The following ANGPT1 variants were observed in gnomAD, a reference collection of about 807,000 sequenced individuals.
ANGPT1 encodes angiopoietin-1.
ANGPT1 carries 17 observed loss-of-function variants against 62.2 expected under a neutral mutation model. That is an observed-to-expected ratio of 0.27 (90% CI 0.19 to 0.41). ANGPT1 has a LOEUF of 0.41. ANGPT1 is among the 10% of genes least tolerant of loss of function. The pLI is 1.00. For missense variants in ANGPT1, 478 were observed against 594.9 expected, an observed-to-expected ratio of 0.80 and a Z score of 2.04; for synonymous variants, 199 against 198.9, an observed-to-expected ratio of 1.00 and a Z score of 0.00.
intron 1 of ANGPT1, among the ~76,000 whole-genome samples, chr8:107,470,473 T>C (rs553155355): frequency 9.2e-6 from 1 of 108,114 alleles, no homozygotes; most frequent in African/African-American, 3.3e-5. Flanking sequence ...CATTTTTCTA[T>C]GTTCACAAAG....
intron 7 of ANGPT1, among the ~76,000 whole-genome samples, chr8:107,275,632 C>A (rs1813846705): frequency 6.6e-6 from 1 of 152,120 alleles, no homozygotes; most frequent in Admixed American, 6.6e-5. Context: ...GGGTATGCAC[C>A]TGCATGAACA....
At chr8:107,334,481 A>T (rs1007864092) in intron 3 of ANGPT1, among the ~76,000 whole-genome samples, 1 of 152,160 alleles carries the variant, frequency 6.6e-6, no homozygotes, top group Non-Finnish European at 1.5e-5. Context: ...AATGCAGCAA[A>T]ATATGCAGCT....
At chr8:107,457,587 T>C (rs777622589) in intron 1 of ANGPT1, among the ~76,000 whole-genome samples, 65 of 152,018 alleles carry the variant, frequency 4.3e-4, no homozygotes, top group Non-Finnish European at 7.5e-4. Context: ...AATCCCAACT[T>C]TTCTTTTCTG....
At chr8:107,265,134 C>T (rs1273358509) in intron 7 of ANGPT1, among the ~76,000 whole-genome samples, 1 of 152,144 alleles carries the variant, frequency 6.6e-6, no homozygotes, top group Non-Finnish European at 1.5e-5. Flanking sequence ...TATCTAGAAA[C>T]ATTTCTTATA....
chr8:107,353,974 G>A (rs1815987377), intron 1 of ANGPT1, among the ~76,000 whole-genome samples: 1 of 152,126 alleles, frequency 6.6e-6, no homozygotes, highest in Non-Finnish European at 1.5e-5. Flanking sequence ...ACATCCCACT[G>A]AGGCATATAT....
At chr8:107,280,127 T>C (rs7820261) in intron 7 of ANGPT1, among the ~76,000 whole-genome samples, 118,416 of 152,038 alleles carry the variant, frequency 0.78, 46,530 homozygotes, top group Middle Eastern at 0.85. Flanking sequence ...GGTCTTCATA[T>C]TCTTATATTG....
chr8:107,366,892 G>C lies in ANGPT1; in HGVS notation c.298-19795C>G, dbSNP rs570131675. On this transcript the variant is annotated intron_variant, in intron 1 of 8. Transcript: ENST00000517746. ...CTGTCTCTCTGGCTCTGTCTCTCGG[G>C]CTCTGTCTCTCTGATCACTCATTCT... is the stretch of plus-strand genomic sequence containing the variant. 3.2e-4 allele frequency among the ~76,000 whole-genome samples: 49 copies of C among 152,168 alleles called. 1 individual carries two copies. Among genetic ancestry groups the C allele is most frequent in the Admixed American group, 9.2e-4 (14 of 15,270 alleles).
chr8:107,317,543 C>T (rs34294284), intron 4 of ANGPT1, among the ~76,000 whole-genome samples: 31,587 of 151,386 alleles, frequency 0.21, 3,893 homozygotes, highest in East Asian at 0.35. Flanking sequence ...ATTAAATTCC[C>T]AATTATATAT....
chr8:107,392,967 A>G (rs777981898), intron 1 of ANGPT1, among the ~76,000 whole-genome samples: 4 of 152,128 alleles, frequency 2.6e-5, no homozygotes, highest in Non-Finnish European at 4.4e-5. Flanking sequence ...TCTGAAGCCA[A>G]ACTATATTGT....
At chr8:107,473,201 A>T (rs1812408921) in intron 1 of ANGPT1, among the ~76,000 whole-genome samples, 1 of 152,088 alleles carries the variant, frequency 6.6e-6, no homozygotes, top group Admixed American at 6.6e-5. Context: ...TTCTCAGCAA[A>T]CATGGAATTT....
intron 4 of ANGPT1, among the ~76,000 whole-genome samples, chr8:107,309,722 G>A (rs916196127): frequency 6.6e-6 from 1 of 152,122 alleles, no homozygotes; most frequent in Non-Finnish European, 1.5e-5. Flanking sequence ...GTTGAGGTTG[G>A]TATTTTTTTC....
intron 4 of ANGPT1, among the ~76,000 whole-genome samples, chr8:107,318,070 T>G: frequency 6.6e-6 from 1 of 152,212 alleles, no homozygotes; most frequent in Non-Finnish European, 1.5e-5. Flanking sequence ...GCCAAAAACA[T>G]GAAGCAATAG....
chr8:107,382,183 T>C (rs779505506), intron 1 of ANGPT1, among the ~76,000 whole-genome samples: 1 of 152,274 alleles, frequency 6.6e-6, no homozygotes, highest in Middle Eastern at 3.4e-3. Flanking sequence ...TAAAGAGTAA[T>C]GGAAGAAATA....
At chr8:107,275,084 A>G (rs973401202) in intron 7 of ANGPT1, among the ~76,000 whole-genome samples, 3 of 152,156 alleles carry the variant, frequency 2.0e-5, no homozygotes, top group African/African-American at 7.2e-5. Flanking sequence ...ATCTTGAAAA[A>G]TAGAGGTTGA....
At chr8:107,306,401 T>C (rs560679141) in intron 4 of ANGPT1, among the ~76,000 whole-genome samples, 51 of 152,274 alleles carry the variant, frequency 3.3e-4, no homozygotes, top group African/African-American at 1.1e-3. Context: ...TTGCTGTGTA[T>C]TTTAAGCTTT....
chr8:107,316,751 G>A (rs775044595), intron 4 of ANGPT1, among the ~76,000 whole-genome samples: 1 of 151,986 alleles, frequency 6.6e-6, no homozygotes, highest in East Asian at 1.9e-4. Flanking sequence ...GCTACAGCCC[G>A]CTCCCATGAC....
At chr8:107,315,308 G>T (rs1231505178) in intron 4 of ANGPT1, among the ~76,000 whole-genome samples, 6 of 152,264 alleles carry the variant, frequency 3.9e-5, no homozygotes, top group African/African-American at 1.4e-4. Flanking sequence ...ATATAAACAT[G>T]TTCTTGTCTC....
intron 1 of ANGPT1, among the ~76,000 whole-genome samples, chr8:107,352,673 A>G (rs1218988320): frequency 6.6e-6 from 1 of 152,204 alleles, no homozygotes; most frequent in Non-Finnish European, 1.5e-5. Context: ...CAATTTCTCC[A>G]TGTAATTCTT....
chr8:107,277,146 T>G, intron 7 of ANGPT1, among the ~76,000 whole-genome samples: 1 of 152,304 alleles, frequency 6.6e-6, no homozygotes, highest in Admixed American at 6.5e-5. Context: ...ATACTAATTT[T>G]CTATTGCTTA....
Sources: gnomAD v4.1 joint callset for allele counts (sites outside exome capture counted in the v4.1 genomes callset) on GRCh38, gnomAD v4.1.1 for gene constraint, MANE v1.5 for transcripts, NCBI Gene and HGNC (gene_info 2026-07-23, HGNC 2026-07-21) for gene names.